Variants in PLA2G2F observed in about 807,000 individuals in gnomAD.
PLA2G2F encodes group IIF secretory phospholipase A2.
A neutral mutation model predicts 15.9 loss-of-function variants in PLA2G2F; 17 were observed. The observed-to-expected ratio is 1.07, with a 90% confidence interval of 0.73 to 1.60. PLA2G2F has a LOEUF of 1.60. Among genes scored for constraint, PLA2G2F ranks in the 40% most tolerant of loss-of-function variants. The pLI, the probability that PLA2G2F is intolerant of heterozygous loss-of-function variation, is 0.00. For missense variants in PLA2G2F, 299 were observed against 278.2 expected (o/e 1.07, Z -0.53); for synonymous variants, 119 against 106.5 (o/e 1.12, Z -0.72).
rs909030583 is a variant in PLA2G2F at position 20,140,586 on chromosome 1, C to T, written c.169+368C>T. On this transcript the variant is annotated intron_variant, in intron 2 of 4. Transcript: ENST00000375102. ...CTATGTGTGTGTAGGTGTGTCTGAG[C>T]ATGTGATGATGTCTATGTGTGCAAC... 18 of 227,552 alleles carry T rather than the reference C, an allele frequency of 7.9e-5. No individual in the cohort carries two copies. In the Admixed American group the frequency reaches 8.3e-4, roughly 10 times the overall value. The allele number at this position is 227,552 out of a possible 1,614,324, so 14.1% of individuals were successfully genotyped here. A position where few individuals can be genotyped will look rare whatever the true frequency, so the allele number is the denominator to read the frequency against.
rs754659195 is a variant in PLA2G2F at position 20,144,652 on chromosome 1, T to C, written c.387T>C (p.Tyr129=). 1.2e-6 allele frequency: 2 copies of C among 1,611,544 alleles called. No individual in the cohort carries two copies. The highest frequency in any genetic ancestry group is 1.7e-6 in the Non-Finnish European group (2 of 1,178,872). ...GCTGTCACCCCTATGTGGACCACTA[T>C]GATCACACCATCGAGAACAACACTG... ...DQGCHPYVDH[Y]DHTIENNTEI... The change falls in exon 4 of 5, where the codon TAT becomes TAC. Residue 129 remains tyrosine, a synonymous_variant. Coordinates refer to ENST00000375102, the MANE Select transcript of PLA2G2F (RefSeq NM_022819.4).
In PLA2G2F at chr1:20,148,914, G is replaced by A. The variant is rs1430827762; in HGVS notation, c.*513G>A. On this transcript the variant is annotated 3_prime_UTR_variant, in exon 5 of 5. Transcript: ENST00000375102. ...TGGCCTGGGGTGGTGGCTACTTTGG[G>A]CTTGAAGCTCTCTAGAGCCCCATTC... The A allele has an allele frequency of 3.0e-5, 5 of 165,356 alleles. No individual in the cohort carries two copies. Among genetic ancestry groups the A allele is most frequent in the Admixed American group, 5.6e-5 (1 of 17,902 alleles). The allele number at this position is 165,356 out of a possible 1,614,324, so 10.2% of individuals were successfully genotyped here.
intron 2 of PLA2G2F, chr1:20,142,426 C>T (rs748498418): frequency 6.6e-6 from 1 of 152,300 alleles, no homozygotes; most frequent in African/African-American, 2.4e-5. Context: ...GGGCAGCTTC[C>T]CCCAGGTAAG....
chr1:20,139,922 G>A (rs183907690), intron 1 of PLA2G2F, among the ~76,000 whole-genome samples: 7 of 152,248 alleles, frequency 4.6e-5, no homozygotes, highest in Admixed American at 1.3e-4. Flanking sequence ...AGGCTGATGC[G>A]TGGAGGGGGT....
chr1:20,141,319 G>A (rs768605493), intron 2 of PLA2G2F: 2 of 152,342 alleles, frequency 1.3e-5, no homozygotes, highest in Admixed American at 6.5e-5. Flanking sequence ...AGGTATGTGT[G>A]GGTGTATATC....
chr1:20,148,478 C>A lies in PLA2G2F; in HGVS notation c.*77C>A. On this transcript the variant is annotated 3_prime_UTR_variant, in exon 5 of 5. Coordinates refer to ENST00000375102, the MANE Select transcript of PLA2G2F (RefSeq NM_022819.4). ...AGACGAGGTGCAGGGAGGGTAGGAG[C>A]CAGGCCAGGAGCCTGAGGGTTGCTG... 1 of 1,276,536 alleles carries A rather than the reference C, an allele frequency of 7.8e-7. No individual in the cohort carries two copies. The highest frequency in any genetic ancestry group is 1.1e-6 in the Non-Finnish European group (1 of 897,258). The allele number at this position is 1,276,536 out of a possible 1,614,324, so 79.1% of individuals were successfully genotyped here. A position where few individuals can be genotyped will look rare whatever the true frequency, so the allele number is the denominator to read the frequency against.
Position 20,144,707 on chromosome 1 carries a change from C to T in PLA2G2F, c.424+18C>T, listed in dbSNP as rs759502080. On this transcript the variant is annotated intron_variant, in intron 4 of 4. Coordinates refer to ENST00000375102, the MANE Select transcript of PLA2G2F (RefSeq NM_022819.4). ...AGTCTGCAGTGAGTCCCTCCCCTGT[C>T]ACCTGGGCCCCCAGAGAAGGGAGTG... is the stretch of plus-strand genomic sequence containing the variant. 3.0e-5 allele frequency: 47 copies of T among 1,560,676 alleles called. 1 individual carries two copies. The South Asian group carries it at 5.3e-4, about 18-fold the overall frequency.
intron 3 of PLA2G2F, chr1:20,143,947 A>T: frequency 4.7e-6 from 1 of 213,642 alleles, no homozygotes; most frequent in Middle Eastern, 1.8e-3. Context: ...GCTCTGGAAG[A>T]CAGGACCATG....
chr1:20,139,945 G>C (rs569904791), intron 1 of PLA2G2F, among the ~76,000 whole-genome samples: 1 of 152,090 alleles, frequency 6.6e-6, no homozygotes. Flanking sequence ...CTGCCAGAGT[G>C]GGGGGCAAGG....
At chr1:20,143,690 TC>T in intron 3 of PLA2G2F, 100 bp downstream of exon 3, 5 of 1,407,528 alleles carry the variant, frequency 3.6e-6, no homozygotes, top group African/African-American at 1.4e-5. Context: ...AGACCTTCTT[TC>T]CCCAAAGGAT....
At position 20,140,355 on chromosome 1, in the gene PLA2G2F, C is replaced by T. The variant is rs1569891904; in HGVS notation, c.169+137C>T. 4.3e-6 allele frequency: 4 copies of T among 921,936 alleles called. No homozygotes were observed. The East Asian group carries it at 8.1e-5, about 19-fold the overall frequency. 57.1% of individuals were successfully genotyped at this position (921,936 alleles called of 1,614,324 possible). ...TCTGGGCTTCTGCTTCTTGTCTCAG[C>T]CCAGCAGGCTGCACCCAATTCTGGG... On this transcript the variant is annotated intron_variant, in intron 2 of 4. Coordinates refer to ENST00000375102, the MANE Select transcript of PLA2G2F (RefSeq NM_022819.4).
Position 20,149,316 on chromosome 1 carries a change from T to C in PLA2G2F, c.*915T>C, listed in dbSNP as rs1176528709. On this transcript the variant is annotated 3_prime_UTR_variant, in exon 5 of 5. Coordinates refer to ENST00000375102, the MANE Select transcript of PLA2G2F (RefSeq NM_022819.4). The stretch of plus-strand genomic sequence containing the variant: ...ACTGGAGGGGGACCCACACCCTCTC[T>C]CCCTGGGCTGTGGATGGGTGTTGCA... The C allele has an allele frequency of 6.6e-6, 1 of 151,122 alleles. No individual in the cohort carries two copies. Among genetic ancestry groups the C allele is most frequent in the Non-Finnish European group, 1.5e-5 (1 of 67,898 alleles). The allele number at this position is 151,122 out of a possible 1,614,324, so 9.4% of individuals were successfully genotyped here. A position where few individuals can be genotyped will look rare whatever the true frequency, so the allele number is the denominator to read the frequency against.
Position 20,148,556 on chromosome 1 carries a change from G to A in PLA2G2F, c.*155G>A. The A allele has an allele frequency of 4.7e-6, 3 of 639,444 alleles. No individual in the cohort carries two copies. The highest frequency in any genetic ancestry group is 1.9e-5 in the South Asian group (1 of 51,866). 39.6% of individuals were successfully genotyped at this position (639,444 alleles called of 1,614,324 possible). ...GAGGGCTCAGCTCTCAGAGGACTCA[G>A]GAAGGCCTGGGTCCTGACTCCCCCA... On this transcript the variant is annotated 3_prime_UTR_variant, in exon 5 of 5. Transcript: ENST00000375102.
Position 20,139,324 on chromosome 1 carries a change from C to A in PLA2G2F, c.-104C>A. On this transcript the variant is annotated 5_prime_UTR_variant, in exon 1 of 5. Coordinates refer to ENST00000375102, the MANE Select transcript of PLA2G2F (RefSeq NM_022819.4). ...GCATGTGTCACCTGCCACTCCCCTG[C>A]CAGTGTGCGAGGCAGCGTGAAGCTG... is the stretch of plus-strand genomic sequence containing the variant. 2 of 842,940 alleles carry A rather than the reference C, an allele frequency of 2.4e-6. No individual in the cohort carries two copies. The highest frequency in any genetic ancestry group is 3.8e-6 in the Non-Finnish European group (2 of 520,308). The allele number at this position is 842,940 out of a possible 1,614,324, so 52.2% of individuals were successfully genotyped here.
Position 20,139,352 on chromosome 1 carries a change from G to A in PLA2G2F, c.-76G>A. ...GTGTGCGAGGCAGCGTGAAGCTGGG[G>A]CCTGCTCCCCGCAGCCTCTGGAGCG... On this transcript the variant is annotated 5_prime_UTR_variant, in exon 1 of 5. Coordinates refer to ENST00000375102, the MANE Select transcript of PLA2G2F (RefSeq NM_022819.4). 8 of 1,142,974 alleles carry A rather than the reference G, an allele frequency of 7.0e-6. No homozygotes were observed. Among genetic ancestry groups the A allele is most frequent in the East Asian group, 2.6e-5 (1 of 38,908 alleles). 70.8% of individuals were successfully genotyped at this position (1,142,974 alleles called of 1,614,324 possible).
intron 4 of PLA2G2F, among the ~76,000 whole-genome samples, chr1:20,147,056 G>A (rs2017628352): frequency 6.6e-6 from 1 of 152,144 alleles, no homozygotes; most frequent in South Asian, 2.1e-4. Context: ...TCTTTAAAGA[G>A]TTTCGTTTAA....
chr1:20,144,661 C>A lies in PLA2G2F; in HGVS notation c.396C>A (p.Thr132=), dbSNP rs756306907. 1 of 1,610,028 alleles carries A rather than the reference C, an allele frequency of 6.2e-7. No homozygotes were observed. The highest frequency in any genetic ancestry group is 1.1e-5 in the South Asian group (1 of 90,122). The change falls in exon 4 of 5, where the codon ACC becomes ACA. Residue 132 remains threonine, a synonymous_variant. Transcript: ENST00000375102. ...CCTATGTGGACCACTATGATCACAC[C>A]ATCGAGAACAACACTGAGATAGTCT... ...CHPYVDHYDH[T]IENNTEIVCS...
chr1:20,139,387 CCTT>C lies in PLA2G2F; in HGVS notation c.-38_-36del. ...CGCAGCCTCTGGAGCGCATCTCAGACCTTCTGAGACCTATGTTGCTGGCCCCCC... is the reference window on the plus strand; with the variant it reads ...CGCAGCCTCTGGAGCGCATCTCAGACCTGAGACCTATGTTGCTGGCCCCCC... On this transcript the variant is annotated 5_prime_UTR_variant, in exon 1 of 5. Coordinates refer to ENST00000375102, the MANE Select transcript of PLA2G2F (RefSeq NM_022819.4). The C allele has an allele frequency of 6.8e-7, 1 of 1,464,956 alleles. No individual in the cohort carries two copies. The highest frequency in any genetic ancestry group is 9.4e-7 in the Non-Finnish European group (1 of 1,068,242). The allele number at this position is 1,464,956 out of a possible 1,614,324, so 90.7% of individuals were successfully genotyped here.
intron 4 of PLA2G2F, 144 bp downstream of exon 4, chr1:20,144,833 T>C (rs2017554292): frequency 2.9e-6 from 2 of 685,218 alleles, no homozygotes; most frequent in Admixed American, 2.5e-5. Context: ...TCCCAGCACT[T>C]TGGGAGGCCG....
Sources: gnomAD v4.1 joint callset for allele counts (sites outside exome capture counted in the v4.1 genomes callset) on GRCh38, gnomAD v4.1.1 for gene constraint, MANE v1.5 for transcripts, NCBI Gene and HGNC (gene_info 2026-07-23, HGNC 2026-07-21) for gene names.